COPS8: variants seen among roughly 807,000 people sequenced by gnomAD.
COPS8 encodes COP9 signalosome subunit 8, also known as COP9 signalosome complex subunit 8.
In COPS8, 11 loss-of-function variants were observed where a neutral mutation model predicts 31.5. The observed-to-expected ratio is 0.35, with a 90% CI of 0.22 to 0.58. COPS8 has a LOEUF of 0.58. COPS8 is among the 20% of genes least tolerant of loss of function. The pLI, the probability that COPS8 is intolerant of heterozygous loss-of-function variation, is 0.83. For missense variants in COPS8, 215 were observed against 255.1 expected, an observed-to-expected ratio of 0.84 and a Z score of 1.07; for synonymous variants, 81 against 89.3, an observed-to-expected ratio of 0.91 and a Z score of 0.52.
At chr2:237,091,634 C>G (rs190092952) in intron 4 of COPS8, among the ~76,000 whole-genome samples, 2 of 152,364 alleles carry the variant, frequency 1.3e-5, no homozygotes, top group Admixed American at 1.3e-4. Context: ...TCTTTCCATT[C>G]TCTTCTAAAT....
At chr2:237,090,140 C>A in intron 4 of COPS8, 146 bp downstream of exon 4, 1 of 701,406 alleles carries the variant, frequency 1.4e-6, no homozygotes, top group South Asian at 3.3e-5. Flanking sequence ...TTTAGATTTG[C>A]CCTAATCATG....
chr2:237,096,481 G>A (rs1696803162), intron 6 of COPS8, among the ~76,000 whole-genome samples: 1 of 152,140 alleles, frequency 6.6e-6, no homozygotes, highest in Non-Finnish European at 1.5e-5. Flanking sequence ...TTAGAGCCAA[G>A]CTTAATGCCC....
At chr2:237,092,881 A>G (rs998654015) in intron 4 of COPS8, among the ~76,000 whole-genome samples, 1 of 152,186 alleles carries the variant, frequency 6.6e-6, no homozygotes, top group African/African-American at 2.4e-5. Context: ...ATCAACAAGC[A>G]TGTATTTGGC....
At chr2:237,092,524 TATG>T (rs1696724177) in intron 4 of COPS8, among the ~76,000 whole-genome samples, 1 of 152,198 alleles carries the variant, frequency 6.6e-6, no homozygotes, top group Admixed American at 6.5e-5. Context: ...AATATAGTTT[TATG>T]GTGTATACTT....
intron 4 of COPS8, among the ~76,000 whole-genome samples, chr2:237,092,284 G>T (rs1696717574): frequency 1.3e-5 from 2 of 152,200 alleles, no homozygotes; most frequent in Non-Finnish European, 1.5e-5. Context: ...GTGCCAAGTG[G>T]ATATTGCAGC....
intron 5 of COPS8, among the ~76,000 whole-genome samples, chr2:237,094,637 C>G (rs770622216): frequency 6.6e-6 from 1 of 152,112 alleles, no homozygotes; most frequent in Admixed American, 6.6e-5. Context: ...GATGCCCAGA[C>G]TAATCCTTCC....
Position 237,096,835 on chromosome 2 carries a change from G to T in COPS8, c.516G>T (p.Leu172=). 1 of 1,611,000 alleles carries T rather than the reference G, an allele frequency of 6.2e-7. No individual in the cohort carries two copies. The highest frequency in any genetic ancestry group is 8.5e-7 in the Non-Finnish European group (1 of 1,178,250). The part of the protein sequence containing the change: ...VLPRKPVAGA[L]DVSFNKFIPL... ...TTTTGAATTTAGTTGCAGGGGCCCTGGATGTTTCCTTTAACAAGTTTATTC... is the reference window on the plus strand; with the variant it reads ...TTTTGAATTTAGTTGCAGGGGCCCTTGATGTTTCCTTTAACAAGTTTATTC... Residue 172 remains leucine (L), a synonymous_variant, in exon 7 of 8, where the codon CTG becomes CTT. Coordinates refer to ENST00000354371, the MANE Select transcript of COPS8 (RefSeq NM_006710.5).
intron 4 of COPS8, chr2:237,093,709 G>T (rs1696746809): frequency 1.0e-6 from 1 of 987,162 alleles, no homozygotes; most frequent in Admixed American, 6.1e-5. Context: ...AGCTGATTAC[G>T]CAAATCAGTT....
rs1324233860 is a variant in COPS8, at chr2:237,088,605, G to A, written c.150G>A (p.Met50Ile). 1 of 1,589,508 alleles carries A rather than the reference G, an allele frequency of 6.3e-7. No individual in the cohort carries two copies. The highest frequency in any genetic ancestry group is 1.1e-5 in the South Asian group (1 of 88,522). Residue 50 changes from methionine (M) to isoleucine (I), a missense_variant and splice_region_variant, in exon 3 of 8, where the codon ATG (methionine) becomes ATA (isoleucine). Transcript: ENST00000354371. Reference sequence around the variant, plus strand: ...TCTTCTTTGTGGTGGCGTAAATTAGGAATAATGCAAGATATCTTTGGAAAA... The same window carrying A: ...TCTTCTTTGTGGTGGCGTAAATTAGAAATAATGCAAGATATCTTTGGAAAA... ...LLALYLLHND[M>I]NNARYLWKRI...
intron 5 of COPS8, among the ~76,000 whole-genome samples, chr2:237,095,544 A>C (rs988305614): frequency 1.3e-5 from 2 of 152,208 alleles, no homozygotes; most frequent in Non-Finnish European, 2.9e-5. Context: ...AATAATACTG[A>C]TTAGGTTAAT....
intron 7 of COPS8, 70 bp downstream of exon 7, chr2:237,096,939 ATATG>A: frequency 9.5e-7 from 1 of 1,054,730 alleles, no homozygotes; most frequent in Non-Finnish European, 1.4e-6. Flanking sequence ...GTATATATGT[ATATG>A]TGTGTGTGAG....
intron 1 of COPS8, 58 bp downstream of exon 1, chr2:237,086,100 C>A: frequency 6.7e-7 from 1 of 1,484,766 alleles, no homozygotes; most frequent in Non-Finnish European, 9.3e-7. Flanking sequence ...CCTGGGGCGG[C>A]ACCAGTTTCC....
Position 237,094,087 on chromosome 2 carries a change from T to C in COPS8, c.332-3T>C, listed in dbSNP as rs1250909495. On this transcript the variant is annotated splice_polypyrimidine_tract_variant and splice_region_variant and intron_variant, in intron 4 of 7. Coordinates refer to ENST00000354371, the MANE Select transcript of COPS8 (RefSeq NM_006710.5). The stretch of plus-strand genomic sequence containing the variant: ...CTCTGCCAACCCACCACTCCCACAA[T>C]AGATGCAACAAGGAGACGCGCCTTT... 2 of 1,612,702 alleles carry C rather than the reference T, an allele frequency of 1.2e-6. No homozygotes were observed. The highest frequency in any genetic ancestry group is 2.2e-5 in the East Asian group (1 of 44,828).
chr2:237,098,081 G>A lies in COPS8; in HGVS notation c.*339G>A, dbSNP rs534878091. The A allele has an allele frequency of 9.1e-5, 19 of 207,796 alleles. No individual in the cohort carries two copies. The highest frequency in any genetic ancestry group is 3.3e-4 in the African/African-American group (14 of 42,712). 12.9% of individuals were successfully genotyped at this position (207,796 alleles called of 1,614,324 possible). A position where few individuals can be genotyped will look rare whatever the true frequency, so the allele number is the denominator to read the frequency against. Reference sequence around the variant, plus strand: ...TCTTTTCTCTGTCCCAGCACATGCCGTACTCTTATATGTACCATTGGTTGA... The same window carrying A: ...TCTTTTCTCTGTCCCAGCACATGCCATACTCTTATATGTACCATTGGTTGA... On this transcript the variant is annotated 3_prime_UTR_variant, in exon 8 of 8. Transcript: ENST00000354371.
Position 237,094,201 on chromosome 2 carries a change from A to G in COPS8, c.439+4A>G, listed in dbSNP as rs1165397338. The G allele has an allele frequency of 1.2e-6, 2 of 1,612,450 alleles. No homozygotes were observed. Among genetic ancestry groups the G allele is most frequent in the Non-Finnish European group, 1.7e-6 (2 of 1,179,334 alleles). On this transcript the variant is annotated splice_donor_region_variant and intron_variant, in intron 5 of 7. Transcript: ENST00000354371. Reference sequence around the variant, plus strand: ...CCTGTAGAAGAGGCTGTGAAAGGTAATTTTGGCTTACTTTTTACTTATAAG... The same window carrying G: ...CCTGTAGAAGAGGCTGTGAAAGGTAGTTTTGGCTTACTTTTTACTTATAAG...
At position 237,099,027 on chromosome 2, in the gene COPS8, T is replaced by C. The variant is rs1394320259; in HGVS notation, c.*1285T>C. 2 of 152,164 alleles carry C rather than the reference T, an allele frequency of 1.3e-5. No homozygotes were observed. Among genetic ancestry groups the C allele is most frequent in the Non-Finnish European group, 2.9e-5 (2 of 68,014 alleles). The allele number at this position is 152,164 out of a possible 1,614,324, so 9.4% of individuals were successfully genotyped here. A position where few individuals can be genotyped will look rare whatever the true frequency, so the allele number is the denominator to read the frequency against. ...TCAAGAGAATGACAGTGCCAGTTTT[T>C]TTAACTTCCAGGTATTAAGTACAAA... is the stretch of plus-strand genomic sequence containing the variant. On this transcript the variant is annotated 3_prime_UTR_variant, in exon 8 of 8. Coordinates refer to ENST00000354371, the MANE Select transcript of COPS8 (RefSeq NM_006710.5).
chr2:237,092,679 G>T (rs1455269659), intron 4 of COPS8, among the ~76,000 whole-genome samples: 1 of 152,172 alleles, frequency 6.6e-6, no homozygotes, highest in Non-Finnish European at 1.5e-5. Flanking sequence ...CAGGCTGGTT[G>T]AAGGAAGGAA....
rs1160165693 is a variant in COPS8 at position 237,099,793 on chromosome 2, A to G, written c.*2051A>G. ...CTAATAGTTCCAGGGCAGTAAGTGT[A>G]CAAGTTCATATCTGGTACAAGATGT... is the stretch of plus-strand genomic sequence containing the variant. On this transcript the variant is annotated 3_prime_UTR_variant, in exon 8 of 8. Transcript: ENST00000354371. 2 of 152,216 alleles carry G rather than the reference A, an allele frequency of 1.3e-5. No homozygotes were observed. The highest frequency in any genetic ancestry group is 4.8e-5 in the African/African-American group (2 of 41,470). The allele number at this position is 152,216 out of a possible 1,614,324, so 9.4% of individuals were successfully genotyped here. A position where few individuals can be genotyped will look rare whatever the true frequency, so the allele number is the denominator to read the frequency against.
intron 7 of COPS8, 111 bp downstream of exon 7, chr2:237,096,980 A>G: frequency 2.6e-6 from 2 of 761,224 alleles, no homozygotes; most frequent in Admixed American, 5.4e-5. Flanking sequence ...TTACCTTGTA[A>G]ACAGAGGTTA....
Sources: allele counts gnomAD v4.1 joint callset (sites outside exome capture counted in the v4.1 genomes callset), GRCh38; gene constraint gnomAD v4.1.1; transcripts MANE v1.5; gene names NCBI Gene and HGNC (gene_info 2026-07-23, HGNC 2026-07-21).